The following GRHL1 variants were observed in gnomAD, a reference collection of about 807,000 sequenced individuals.
The protein encoded by GRHL1 is grainyhead-like protein 1 homolog.
Under a neutral mutation model 75.7 loss-of-function variants are expected in GRHL1, and 38 were observed. The ratio of observed to expected loss-of-function variants is 0.50; its 90% CI spans 0.39 to 0.66. GRHL1 has a LOEUF of 0.66. GRHL1 is among the 30% of genes least tolerant of loss of function. The pLI is 0.00. For missense variants in GRHL1, 589 were observed against 767.5 expected (o/e 0.77, Z 2.75); for synonymous variants, 266 against 279.4 (o/e 0.95, Z 0.48).
At position 9,999,046 on chromosome 2, in the gene GRHL1, T is replaced by C; in HGVS notation, c.1742+17T>C. On this transcript the variant is annotated intron_variant, in intron 15 of 15. Transcript: ENST00000324907. ...TAAAAAGGGGTAAGCAGCCACTGCG[T>C]CCTGTGTACCTCGGAAAGTGCTGAT... is the stretch of plus-strand genomic sequence containing the variant. The C allele has an allele frequency of 1.4e-6, 2 of 1,472,294 alleles. No individual in the cohort carries two copies. The highest frequency in any genetic ancestry group is 1.8e-4 in the Middle Eastern group (1 of 5,662). The allele number at this position is 1,472,294 out of a possible 1,614,324, so 91.2% of individuals were successfully genotyped here.
rs1669074027 is a variant in GRHL1, at chr2:9,998,705, T to TATATATGTACAC, written c.1678-259_1678-258insTATATGTACACA. On this transcript the variant is annotated intron_variant, in intron 14 of 15. Coordinates refer to ENST00000324907, the MANE Select transcript of GRHL1 (RefSeq NM_198182.3). ...ACATATATATGTACACACATATATA[T>TATATATGTACAC]ACATATATATGTACACACATATATA... Among the ~76,000 whole-genome samples the TATATATGTACAC allele has an allele frequency of 3.1e-5, 2 of 63,958 alleles. 1 individual carries two copies. The highest frequency in any genetic ancestry group is 7.9e-4 in the South Asian group (2 of 2,530). The allele number at this position is 63,958 out of a possible 152,430, so 42.0% of individuals were successfully genotyped here.
intron 8 of GRHL1, among the ~76,000 whole-genome samples, chr2:9,984,135 C>T (rs1668318111): frequency 6.6e-6 from 1 of 151,872 alleles, no homozygotes; most frequent in Non-Finnish European, 1.5e-5. Flanking sequence ...GCACTCCAGC[C>T]TGGGCAACAA....
intron 3 of GRHL1, 179 bp downstream of exon 3, chr2:9,959,035 T>G: frequency 1.0e-6 from 1 of 999,404 alleles, no homozygotes; most frequent in Non-Finnish European, 1.4e-6. Flanking sequence ...GAAATTTCCT[T>G]TTTTCTTTGG....
At chr2:9,973,527 C>T (rs1667822061) in intron 8 of GRHL1, among the ~76,000 whole-genome samples, 2 of 152,228 alleles carry the variant, frequency 1.3e-5, no homozygotes, top group South Asian at 4.1e-4. Flanking sequence ...ACTCTACTGA[C>T]TTCAGTTGAA....
rs374318681 is a variant in GRHL1, at chr2:9,987,289, T to C, written c.1269+1007T>C. Among the ~76,000 whole-genome samples, 43 of 152,322 alleles carry C rather than the reference T, an allele frequency of 2.8e-4. 1 individual carries two copies. Among genetic ancestry groups the C allele is most frequent in the African/African-American group, 1.0e-3 (43 of 41,570 alleles). On this transcript the variant is annotated intron_variant, in intron 9 of 15. Transcript: ENST00000324907. This position sits in a 1 kb window ranked among gnomAD's most constrained non-coding sequence, Gnocchi z 4.2. ...TGCCTGGCCTAAAATAGCTTTTAATTATTGTTTTGGCCTTGCAAAGACACA... is the reference window on the plus strand; with the variant it reads ...TGCCTGGCCTAAAATAGCTTTTAATCATTGTTTTGGCCTTGCAAAGACACA...
At chr2:9,985,964 C>A (rs990558994) in intron 8 of GRHL1, among the ~76,000 whole-genome samples, 160 bp from the exon 9 acceptor site, 2 of 152,130 alleles carry the variant, frequency 1.3e-5, no homozygotes, top group African/African-American at 4.8e-5. Context: ...AAAATAAACC[C>A]CTGATCACCT....
chr2:9,961,518 A>G (rs2125208998), intron 4 of GRHL1, 82 bp downstream of exon 4: 1 of 1,326,548 alleles, frequency 7.5e-7, no homozygotes, highest in Non-Finnish European at 1.0e-6. Context: ...TTATGTAAGC[A>G]TGAAACTCAG....
chr2:9,964,275 A>T lies in GRHL1; in HGVS notation c.944A>T (p.Glu315Val). Residue 315 changes from glutamate (E) to valine (V), a missense_variant, in exon 7 of 16, where the codon GAA (glutamate) becomes GTA (valine). Around this residue, in one of 5 missense-constraint regions of GRHL1, gnomAD observed 362 missense variants for 461.8 expected, o/e 0.78. Coordinates refer to ENST00000324907, the MANE Select transcript of GRHL1 (RefSeq NM_198182.3). ...GTTTTTGCTGAAGACAAAAGCAGAGAAGATCAGTTAAGGCATTGGAAGTAC... is the reference window on the plus strand; with the variant it reads ...GTTTTTGCTGAAGACAAAAGCAGAGTAGATCAGTTAAGGCATTGGAAGTAC... ...MVVFAEDKSR[E>V]DQLRHWKYWH... is the part of the protein sequence containing the mutation. 6.2e-7 allele frequency: 1 copy of T among 1,612,880 alleles called. No individual in the cohort carries two copies.
At position 9,961,255 on chromosome 2, in the gene GRHL1, C is replaced by A. The variant is rs1206528264; in HGVS notation, c.488C>A (p.Pro163Gln). 6.2e-7 allele frequency: 1 copy of A among 1,614,180 alleles called. No homozygotes were observed. The highest frequency in any genetic ancestry group is 8.5e-7 in the Non-Finnish European group (1 of 1,180,028). ...CACTCCATCAAGACAGAAACCCAGC[C>A]ACATGGCTTCGCTGTGGGAATCCCC... ...PTHSIKTETQ[P>Q]HGFAVGIPPA... is the part of the protein sequence containing the mutation. The change falls in exon 4 of 16, where the codon CCA becomes CAA. Residue 163 changes from proline to glutamine, a missense_variant. Around this residue, in one of 5 missense-constraint regions of GRHL1, gnomAD observed 362 missense variants for 461.8 expected, o/e 0.78. Coordinates refer to ENST00000324907, the MANE Select transcript of GRHL1 (RefSeq NM_198182.3).
Position 9,967,352 on chromosome 2 carries a change from G to A in GRHL1, c.1110+1971G>A, listed in dbSNP as rs1191864090. Among the ~76,000 whole-genome samples the A allele has an allele frequency of 3.9e-5, 6 of 152,236 alleles. No individual in the cohort carries two copies. In the South Asian group the frequency reaches 6.2e-4, roughly 16 times the overall value. ...GAAAGGCCCAGCGCATGGGCAGGGC[G>A]CTTTGTTTGTTTGATGTGTCACTCT... On this transcript the variant is annotated intron_variant, in intron 8 of 15. Transcript: ENST00000324907.
intron 8 of GRHL1, among the ~76,000 whole-genome samples, chr2:9,982,898 T>C (rs928353818): frequency 6.6e-6 from 1 of 152,218 alleles, no homozygotes; most frequent in African/African-American, 2.4e-5. Flanking sequence ...TCAATATAAG[T>C]ATATAATCAT....
At position 10,000,790 on chromosome 2, in the gene GRHL1, C is replaced by T. The variant is rs1467168931; in HGVS notation, c.*83C>T. ...TTTGGCAACTGCAGGTAACCCCAGTCAGCCATGTCGCCAGCACAGGTCTAT... is the reference window on the plus strand; with the variant it reads ...TTTGGCAACTGCAGGTAACCCCAGTTAGCCATGTCGCCAGCACAGGTCTAT... On this transcript the variant is annotated 3_prime_UTR_variant, in exon 16 of 16. Coordinates refer to ENST00000324907, the MANE Select transcript of GRHL1 (RefSeq NM_198182.3). The T allele has an allele frequency of 4.0e-6, 3 of 756,888 alleles. No individual in the cohort carries two copies. In the East Asian group the frequency reaches 7.5e-5, roughly 19 times the overall value. 46.9% of individuals were successfully genotyped at this position (756,888 alleles called of 1,614,324 possible).
At chr2:9,958,950 T>C in intron 3 of GRHL1, 94 bp downstream of exon 3, 3 of 1,526,720 alleles carry the variant, frequency 2.0e-6, no homozygotes, top group Non-Finnish European at 1.8e-6. Flanking sequence ...GAACAACCAC[T>C]AGTGAAAGAG....
intron 3 of GRHL1, 40 bp from the exon 4 acceptor site, chr2:9,961,006 C>T (rs776046737): frequency 8.8e-6 from 13 of 1,482,578 alleles, no homozygotes; most frequent in Non-Finnish European, 1.2e-5. Context: ...CAAAGAACTA[C>T]ATCAGCATCG....
Position 9,963,905 on chromosome 2 carries a change from C to G in GRHL1, c.766C>G (p.Leu256Val). Residue 256 changes from leucine (L) to valine (V), a missense_variant, in exon 6 of 16, where the codon CTA (leucine) becomes GTA (valine). Physicochemically the swap from Leu to Val is conservative, Grantham distance 32. This residue lies in a region of GRHL1 where 362 missense variants were observed against 461.8 expected (regional missense o/e 0.78). Transcript: ENST00000324907. Reference sequence around the variant, plus strand: ...CTTTAGGAACAACTTTGAATATACCCTAGAAGCTTCAAAATCACTTCGACA... The same window carrying G: ...CTTTAGGAACAACTTTGAATATACCGTAGAAGCTTCAAAATCACTTCGACA... ...SVSGNNFEYT[L>V]EASKSLRQKP... is the part of the protein sequence containing the mutation. 2 of 1,613,690 alleles carry G rather than the reference C, an allele frequency of 1.2e-6. No homozygotes were observed. The highest frequency in any genetic ancestry group is 1.7e-6 in the Non-Finnish European group (2 of 1,179,738).
In GRHL1 at chr2:9,954,962, G is replaced by A. The variant is rs745917565; in HGVS notation, c.68G>A (p.Arg23Gln). Residue 23 changes from arginine (R) to glutamine (Q), a missense_variant, in exon 2 of 16, where the codon CGG becomes CAG. This residue lies in a region of GRHL1 where 362 missense variants were observed against 461.8 expected (regional missense o/e 0.78). Coordinates refer to ENST00000324907, the MANE Select transcript of GRHL1 (RefSeq NM_198182.3). Reference protein sequence around the residue: ...VLQNEALYPQRRSYTSEDEAW... With the variant: ...VLQNEALYPQQRSYTSEDEAW... ...CAGAATGAAGCACTTTATCCACAGCGGCGGTCCTACACTAGTGAGGATGAG... is the reference window on the plus strand; with the variant it reads ...CAGAATGAAGCACTTTATCCACAGCAGCGGTCCTACACTAGTGAGGATGAG... The A allele has an allele frequency of 3.7e-6, 6 of 1,613,404 alleles. No homozygotes were observed. Among genetic ancestry groups the A allele is most frequent in the Non-Finnish European group, 4.2e-6 (5 of 1,179,520 alleles).
chr2:9,956,117 TC>T (rs1186504633), intron 2 of GRHL1, among the ~76,000 whole-genome samples: 1 of 152,240 alleles, frequency 6.6e-6, no homozygotes, highest in African/African-American at 2.4e-5. Context: ...ATTTTTGCTA[TC>T]TTTTTGTTTT....
In GRHL1 at chr2:10,002,204, G is replaced by A. The variant is rs1042811216; in HGVS notation, c.*1497G>A. On this transcript the variant is annotated 3_prime_UTR_variant, in exon 16 of 16. Transcript: ENST00000324907. Reference sequence around the variant, plus strand: ...TTTTATGAAGTTGATTTTGTCTTGCGTGTTATTTTTAATTGTATCATTGAA... The same window carrying A: ...TTTTATGAAGTTGATTTTGTCTTGCATGTTATTTTTAATTGTATCATTGAA... 9 of 152,568 alleles carry A rather than the reference G, an allele frequency of 5.9e-5. No individual in the cohort carries two copies. Among genetic ancestry groups the A allele is most frequent in the African/African-American group, 1.4e-4 (6 of 41,424 alleles). 9.5% of individuals were successfully genotyped at this position (152,568 alleles called of 1,614,324 possible).
At chr2:9,999,094 C>T (rs1020610837) in intron 15 of GRHL1, 65 bp downstream of exon 15, 40 of 731,998 alleles carry the variant, frequency 5.5e-5, no homozygotes, top group South Asian at 4.0e-4. Flanking sequence ...GCTAGTGTGA[C>T]GCACCCCCCA....
Sources: gnomAD v4.1 joint callset for allele counts (sites outside exome capture counted in the v4.1 genomes callset) on GRCh38, gnomAD v4.1.1 for gene constraint, gnomAD v4.1.1 regional missense constraint, Gnocchi (gnomAD v3.1) non-coding constraint, MANE v1.5 for transcripts, NCBI Gene and HGNC (gene_info 2026-07-23, HGNC 2026-07-21) for gene names.